AK9: variants seen among roughly 807,000 people sequenced by gnomAD.
AK9 encodes the protein adenylate kinase domain containing 1.
AK9 carries 191 observed loss-of-function variants against 239.6 expected under a neutral mutation model. The observed-to-expected ratio is 0.80, with a 90% confidence interval of 0.71 to 0.90. AK9 has a LOEUF of 0.90. Among genes scored for constraint, AK9 ranks in the 40% least tolerant of loss-of-function variants. The probability of loss-of-function intolerance (pLI) is 0.00; values close to 1 mark genes in which losing one functional copy is unlikely to be tolerated. For missense variants in AK9, 1,995 were observed against 2,214.7 expected (o/e 0.90, Z 1.99); for synonymous variants, 689 against 721.0 (o/e 0.96, Z 0.71).
At chr6:109,510,524 C>T (rs1009516036) in intron 32 of AK9, among the ~76,000 whole-genome samples, 2 of 152,158 alleles carry the variant, frequency 1.3e-5, no homozygotes, top group Non-Finnish European at 2.9e-5. Flanking sequence ...GGCCTCCTCT[C>T]TGCTGAGAGC....
intron 26 of AK9, among the ~76,000 whole-genome samples, chr6:109,545,111 A>C (rs1783370564): frequency 6.6e-6 from 1 of 152,124 alleles, no homozygotes; most frequent in South Asian, 2.1e-4. Context: ...TACTACCACT[A>C]CCCCAGATTA....
intron 17 of AK9, among the ~76,000 whole-genome samples, chr6:109,607,675 C>T (rs570352170): frequency 6.6e-6 from 1 of 151,826 alleles, no homozygotes; most frequent in Non-Finnish European, 1.5e-5. Context: ...ATTTTATGTT[C>T]ATGGATTATA....
chr6:109,655,268 T>C (rs1417031838), intron 8 of AK9, among the ~76,000 whole-genome samples: 2 of 152,208 alleles, frequency 1.3e-5, no homozygotes, highest in Non-Finnish European at 2.9e-5. Context: ...GATATTTCAT[T>C]ACTTAGATTA....
intron 24 of AK9, among the ~76,000 whole-genome samples, chr6:109,557,647 T>C (rs1785169028): frequency 6.6e-6 from 1 of 152,214 alleles, no homozygotes; most frequent in Non-Finnish European, 1.5e-5. Flanking sequence ...CCTATGTTGA[T>C]GAATTACTGA....
intron 29 of AK9, among the ~76,000 whole-genome samples, chr6:109,523,203 A>G (rs887421048): frequency 1.3e-5 from 2 of 151,964 alleles, no homozygotes; most frequent in African/African-American, 4.8e-5. Flanking sequence ...TTTTAAAAAA[A>G]TCCTAAAAAT....
chr6:109,594,806 T>C (rs1014197997), intron 17 of AK9, among the ~76,000 whole-genome samples: 1 of 152,198 alleles, frequency 6.6e-6, no homozygotes, highest in African/African-American at 2.4e-5. Flanking sequence ...TGGTGAGCCA[T>C]ATGCAGAAAA....
At chr6:109,561,125 T>C (rs1163369032) in intron 24 of AK9, among the ~76,000 whole-genome samples, 2 of 152,104 alleles carry the variant, frequency 1.3e-5, no homozygotes, top group African/African-American at 2.4e-5. Flanking sequence ...GGCTAATTTT[T>C]GTATTTTTAG....
Position 109,516,069 on chromosome 6 carries a change from G to A in AK9, c.3853C>T (p.Leu1285Phe), listed in dbSNP as rs1453261318. 1.3e-6 allele frequency: 2 copies of A among 1,546,856 alleles called. No individual in the cohort carries two copies. Among genetic ancestry groups the A allele is most frequent in the Non-Finnish European group, 1.7e-6 (2 of 1,143,276 alleles). Residue 1285 changes from leucine to phenylalanine, a missense_variant, in exon 31 of 41, where the codon CTT becomes TTT. Around this residue, in one of 5 missense-constraint regions of AK9, gnomAD observed 1,290 missense variants for 1,392.7 expected, o/e 0.93. Transcript: ENST00000424296. The stretch of plus-strand genomic sequence containing the variant: ...ATTATTGGTATCAAATACCTCTCAA[G>A]TTCATCCTGATAAGAAAAGTCATAA... Reference protein sequence around the residue: ...THNLQIIQDELERYLIPIISI... With the variant: ...THNLQIIQDEFERYLIPIISI...
chr6:109,619,012 T>C, intron 13 of AK9, 80 bp downstream of exon 13: 1 of 1,432,534 alleles, frequency 7.0e-7, no homozygotes, highest in South Asian at 1.5e-5. Flanking sequence ...CAAGATGAGC[T>C]AAACAAAGTC....
intron 27 of AK9, among the ~76,000 whole-genome samples, chr6:109,535,518 A>T (rs1249107047): frequency 1.3e-5 from 2 of 152,212 alleles, no homozygotes; most frequent in Non-Finnish European, 2.9e-5. Flanking sequence ...CCTTTGTCAG[A>T]CAAGTAGATT....
chr6:109,659,532 A>C, intron 6 of AK9, 119 bp from the exon 7 acceptor site: 1 of 1,279,770 alleles, frequency 7.8e-7, no homozygotes, highest in Non-Finnish European at 1.0e-6. Flanking sequence ...AACCTGAGCA[A>C]ATGCAATATT....
intron 12 of AK9, among the ~76,000 whole-genome samples, chr6:109,623,032 ATC>A (rs1228196899): frequency 1.3e-5 from 2 of 152,104 alleles, no homozygotes; most frequent in Admixed American, 6.6e-5. Flanking sequence ...GTTTTTTGGC[ATC>A]TCTCTATCAG....
At chr6:109,543,514 C>T (rs1282026526) in intron 26 of AK9, among the ~76,000 whole-genome samples, 4 of 152,078 alleles carry the variant, frequency 2.6e-5, no homozygotes, top group African/African-American at 9.7e-5. Context: ...GCAGTGCGAT[C>T]TTGGCTCACT....
intron 35 of AK9, among the ~76,000 whole-genome samples, chr6:109,504,273 A>G (rs537016535): frequency 6.6e-6 from 1 of 152,038 alleles, no homozygotes; most frequent in Non-Finnish European, 1.5e-5. Flanking sequence ...CTGAGGCAGG[A>G]GGATCCTTTG....
chr6:109,501,948 C>T (rs1021802711), intron 35 of AK9, among the ~76,000 whole-genome samples: 1 of 152,194 alleles, frequency 6.6e-6, no homozygotes, highest in African/African-American at 2.4e-5. Context: ...CCATACCTTA[C>T]CACATAAAAT....
At chr6:109,584,896 A>T (rs955209996) in intron 19 of AK9, among the ~76,000 whole-genome samples, 1 of 152,132 alleles carries the variant, frequency 6.6e-6, no homozygotes, top group Non-Finnish European at 1.5e-5. Context: ...CAGATGCTTG[A>T]TTTAGAATAA....
chr6:109,689,500 T>C (rs1298212610), intron 1 of AK9, among the ~76,000 whole-genome samples: 1 of 152,236 alleles, frequency 6.6e-6, no homozygotes, highest in Admixed American at 6.5e-5. Context: ...TTCTGCCCTA[T>C]CAGGCTTCAT....
intron 31 of AK9, among the ~76,000 whole-genome samples, chr6:109,515,215 G>A (rs1779158047): frequency 6.6e-6 from 1 of 152,160 alleles, no homozygotes. Flanking sequence ...ATCTTTTAGA[G>A]GTATACTAGT....
chr6:109,625,029 G>A (rs988565102), intron 12 of AK9, among the ~76,000 whole-genome samples: 2 of 151,378 alleles, frequency 1.3e-5, no homozygotes, highest in African/African-American at 4.9e-5. Flanking sequence ...GACTCTTTTT[G>A]TTTTCCAAAT....
Sources: allele counts gnomAD v4.1 joint callset (sites outside exome capture counted in the v4.1 genomes callset), GRCh38; gene constraint gnomAD v4.1.1; regional missense constraint gnomAD v4.1.1; transcripts MANE v1.5; gene names NCBI Gene and HGNC (gene_info 2026-07-23, HGNC 2026-07-21).